CACNG8: variants seen among roughly 807,000 people sequenced by gnomAD.
The protein encoded by CACNG8 is calcium voltage-gated channel auxiliary subunit gamma 8, also known as voltage-dependent calcium channel gamma-8 subunit.
In CACNG8, 5 loss-of-function variants were observed where a neutral mutation model predicts 26.9. The ratio of observed to expected loss-of-function variants is 0.19; its 90% CI spans 0.10 to 0.39. The LOEUF (loss-of-function observed/expected upper bound fraction) is 0.39. Ranked by LOEUF, CACNG8 falls within the 10% of genes least tolerant of loss-of-function variation. The pLI, the probability that CACNG8 is intolerant of heterozygous loss-of-function variation, is 1.00. For synonymous variants in CACNG8, 321 were observed against 296.7 expected (o/e 1.08, Z -0.84); for missense variants, 473 against 609.4 (o/e 0.78, Z 2.36).
intron 2 of CACNG8, 130 bp from the exon 3 acceptor site, chr19:53,979,737 C>A: frequency 1.1e-6 from 1 of 939,880 alleles, no homozygotes; most frequent in Non-Finnish European, 1.5e-6. Flanking sequence ...TAAACCAGAA[C>A]ACAGCCGGAG....
chr19:53,982,646 C>A lies in CACNG8; in HGVS notation c.1075C>A (p.Arg359Ser). 1 of 1,047,330 alleles carries A rather than the reference C, an allele frequency of 9.5e-7. No individual in the cohort carries two copies. The highest frequency in any genetic ancestry group is 1.7e-5 in the African/African-American group (1 of 58,190). The allele number at this position is 1,047,330 out of a possible 1,614,324, so 64.9% of individuals were successfully genotyped here. The change falls in exon 4 of 4, where the codon CGC (arginine) becomes AGC (serine). Residue 359 changes from arginine to serine, a missense_variant. Arg to Ser is a moderately radical substitution (Grantham distance 110). Around this residue, in one of 6 missense-constraint regions of CACNG8, gnomAD observed 212 missense variants for 214.4 expected, o/e 0.99. Transcript: ENST00000270458. The surrounding 1 kb of genome is among the most constrained non-coding windows in gnomAD (Gnocchi z 8.4). ...CGGCGGGGCGGGTGCCGAGCGGGAC[C>A]GCGGGGGGGCGTCCGGCTTCCTCAC... is the stretch of plus-strand genomic sequence containing the variant.
At chr19:53,975,466 T>C (rs112964132) in intron 1 of CACNG8, among the ~76,000 whole-genome samples, 2 of 152,008 alleles carry the variant, frequency 1.3e-5, no homozygotes, top group African/African-American at 4.8e-5. Context: ...TGCAACCTCC[T>C]CTTCCCAGAT....
chr19:53,978,556 C>A (rs561932958), intron 2 of CACNG8, among the ~76,000 whole-genome samples: 1 of 151,986 alleles, frequency 6.6e-6, no homozygotes, highest in East Asian at 2.0e-4. Flanking sequence ...GCCACCGCGC[C>A]GCAGAGCTGT....
In CACNG8 at chr19:53,989,625, G is replaced by A. The variant is rs113434672; in HGVS notation, c.*6776G>A. ...TAGTCCAGACAATTAGAATACAGAG[G>A]GGGCTGTGTTCTGACGGGGCCACGC... On this transcript the variant is annotated 3_prime_UTR_variant, in exon 4 of 4. Coordinates refer to ENST00000270458, the MANE Select transcript of CACNG8 (RefSeq NM_031895.6). The A allele has an allele frequency of 0.015, 2,259 of 152,414 alleles. 20 individuals are homozygous for A. The highest frequency in any genetic ancestry group is 0.024 in the Non-Finnish European group (1,603 of 68,072). The allele number at this position is 152,414 out of a possible 1,614,324, so 9.4% of individuals were successfully genotyped here. A position where few individuals can be genotyped will look rare whatever the true frequency, so the allele number is the denominator to read the frequency against.
Position 53,975,340 on chromosome 19 carries a change from T to C in CACNG8, c.284-2806T>C, listed in dbSNP as rs147760599. ...TGCATTTCCCCAATGATTAGTGAAATTGAGCATCTTTTCATGTGCTTGTGG... is the reference window on the plus strand; with the variant it reads ...TGCATTTCCCCAATGATTAGTGAAACTGAGCATCTTTTCATGTGCTTGTGG... On this transcript the variant is annotated intron_variant, in intron 1 of 3. Transcript: ENST00000270458. Among the ~76,000 whole-genome samples the C allele has an allele frequency of 5.8e-4, 89 of 152,228 alleles. 1 individual carries two copies. In the East Asian group the frequency reaches 0.015, roughly 26 times the overall value.
chr19:53,968,496 G>A (rs990134497), intron 1 of CACNG8, among the ~76,000 whole-genome samples: 4 of 152,132 alleles, frequency 2.6e-5, no homozygotes, highest in African/African-American at 7.2e-5. Flanking sequence ...ATGGCCGGGC[G>A]CGGTGGCTCA....
intron 1 of CACNG8, among the ~76,000 whole-genome samples, chr19:53,968,339 CA>C (rs2069282635): frequency 6.6e-6 from 1 of 151,348 alleles, no homozygotes; most frequent in Non-Finnish European, 1.5e-5. Flanking sequence ...CATACCACTA[CA>C]CTCCAGTCTG....
chr19:53,974,188 A>G (rs1259516639), intron 1 of CACNG8, among the ~76,000 whole-genome samples: 1 of 152,218 alleles, frequency 6.6e-6, no homozygotes, highest in Non-Finnish European at 1.5e-5. Context: ...GGAATTTCAT[A>G]TAAGTGGAAT....
At chr19:53,963,461 G>T (rs1298276249) in intron 1 of CACNG8, 36 bp downstream of exon 1, 3 of 1,424,518 alleles carry the variant, frequency 2.1e-6, no homozygotes, top group Admixed American at 2.9e-5. Context: ...AGCCCCCGCC[G>T]CTCCCCTCCG....
intron 1 of CACNG8, among the ~76,000 whole-genome samples, chr19:53,974,308 A>T (rs1316321827): frequency 6.6e-6 from 1 of 152,204 alleles, no homozygotes; most frequent in Non-Finnish European, 1.5e-5. Flanking sequence ...TGAAGGCTGA[A>T]TAATATTCCA....
At chr19:53,978,864 G>C (rs952486837) in intron 2 of CACNG8, among the ~76,000 whole-genome samples, 1 of 148,256 alleles carries the variant, frequency 6.7e-6, no homozygotes, top group East Asian at 2.0e-4. Context: ...AGGCCTAAAG[G>C]GGGTAGGGAG....
chr19:53,967,814 A>T (rs991900354), intron 1 of CACNG8, among the ~76,000 whole-genome samples: 1 of 152,174 alleles, frequency 6.6e-6, no homozygotes, highest in Non-Finnish European at 1.5e-5. Flanking sequence ...TAGCCTGGGC[A>T]ACAGAGAGAG....
At chr19:53,981,141 T>G (rs1032400315) in intron 3 of CACNG8, among the ~76,000 whole-genome samples, 1 of 152,092 alleles carries the variant, frequency 6.6e-6, no homozygotes, top group Non-Finnish European at 1.5e-5. Flanking sequence ...GAATGGATAC[T>G]CCGGCAGGAA....
rs12979217 is a variant in CACNG8, at chr19:53,989,192, A to T, written c.*6343A>T. On this transcript the variant is annotated 3_prime_UTR_variant, in exon 4 of 4. Coordinates refer to ENST00000270458, the MANE Select transcript of CACNG8 (RefSeq NM_031895.6). ...TGAGGCGGGAGGATTGCTTGAGTCC[A>T]GGAGTTTAAGGTTGCAGTGAGCTAT... The T allele has an allele frequency of 6.6e-6, 1 of 152,098 alleles. No homozygotes were observed. The allele number at this position is 152,098 out of a possible 1,614,324, so 9.4% of individuals were successfully genotyped here. A position where few individuals can be genotyped will look rare whatever the true frequency, so the allele number is the denominator to read the frequency against.
At chr19:53,979,318 A>G (rs2069350134) in intron 2 of CACNG8, among the ~76,000 whole-genome samples, 1 of 151,680 alleles carries the variant, frequency 6.6e-6, no homozygotes, top group African/African-American at 2.4e-5. Flanking sequence ...TGGGGGCGTG[A>G]GGAGAAGAAG....
rs1915687531 is a variant in CACNG8 at position 53,962,990 on chromosome 19, C to T, written c.-153C>T. ...GCCGCGCTCTGACCCCCTCCCCGGCCGCAGCCTCCTCCTCGCCGCCCCCCT... is the reference window on the plus strand; with the variant it reads ...GCCGCGCTCTGACCCCCTCCCCGGCTGCAGCCTCCTCCTCGCCGCCCCCCT... On this transcript the variant is annotated 5_prime_UTR_variant, in exon 1 of 4. Coordinates refer to ENST00000270458, the MANE Select transcript of CACNG8 (RefSeq NM_031895.6). 2.7e-6 allele frequency: 1 copy of T among 364,720 alleles called. No individual in the cohort carries two copies. Among genetic ancestry groups the T allele is most frequent in the Non-Finnish European group, 4.8e-6 (1 of 207,634 alleles). The allele number at this position is 364,720 out of a possible 1,614,324, so 22.6% of individuals were successfully genotyped here.
At chr19:53,979,744 GGAGA>G (rs1325230735) in intron 2 of CACNG8, 119 bp from the exon 3 acceptor site, 15 of 1,000,578 alleles carry the variant, frequency 1.5e-5, no homozygotes, top group Admixed American at 5.9e-5. Context: ...GAACACAGCC[GGAGA>G]GAGAGAATCA....
rs12985584 is a variant in CACNG8 at position 53,973,624 on chromosome 19, C to A, written c.284-4522C>A. 2.4e-4 allele frequency among the ~76,000 whole-genome samples: 36 copies of A among 152,046 alleles called. 1 individual carries two copies. In the South Asian group the frequency reaches 5.4e-3, roughly 23 times the overall value. On this transcript the variant is annotated intron_variant, in intron 1 of 3. Coordinates refer to ENST00000270458, the MANE Select transcript of CACNG8 (RefSeq NM_031895.6). ...GGAGGATCGCCTGAGGTCGGGAGAT[C>A]GAGACCATCCTGGCTAACACAGTGA... is the stretch of plus-strand genomic sequence containing the variant.
At chr19:53,978,122 C>T (rs1342201194) in intron 1 of CACNG8, 24 bp from the exon 2 acceptor site, 12 of 1,580,730 alleles carry the variant, frequency 7.6e-6, no homozygotes, top group Admixed American at 1.7e-5. Flanking sequence ...TCCGCCCCCA[C>T]CACTGCCCTC....
Sources: allele counts gnomAD v4.1 joint callset (sites outside exome capture counted in the v4.1 genomes callset), GRCh38; gene constraint gnomAD v4.1.1; regional missense constraint gnomAD v4.1.1; non-coding constraint Gnocchi (gnomAD v3.1); transcripts MANE v1.5; gene names NCBI Gene and HGNC (gene_info 2026-07-23, HGNC 2026-07-21).